The following TNIP1 variants were observed in gnomAD, a reference collection of about 807,000 sequenced individuals.
TNIP1 encodes TNFAIP3 interacting protein 1.
In TNIP1, 22 loss-of-function variants were observed where a neutral mutation model predicts 86.6. That is an observed-to-expected ratio of 0.25 (90% CI 0.18 to 0.36). The LOEUF (loss-of-function observed/expected upper bound fraction) is 0.36, where lower values mean the gene tolerates loss of function less well. Ranked by LOEUF, TNIP1 falls within the 10% of genes least tolerant of loss-of-function variation. The pLI, the probability that TNIP1 is intolerant of heterozygous loss-of-function variation, is 1.00. For synonymous variants in TNIP1, 294 were observed against 313.0 expected (o/e 0.94, Z 0.64); for missense variants, 709 against 820.6 (o/e 0.86, Z 1.66).
chr5:151,036,846 C>T lies in TNIP1; in HGVS notation c.1339G>A (p.Gly447Arg). The T allele has an allele frequency of 6.2e-7, 1 of 1,613,862 alleles. No homozygotes were observed. Among genetic ancestry groups the T allele is most frequent in the Admixed American group, 1.7e-5 (1 of 59,996 alleles). Residue 447 changes from glycine to arginine, a missense_variant, in exon 13 of 18, where the codon GGG (glycine) becomes AGG (arginine). By Grantham distance (125) the Gly-to-Arg change is moderately radical. Transcript: ENST00000521591. ...PTAFGSPEGAGALLRKQELVT... is the reference protein window; with the variant it reads ...PTAFGSPEGARALLRKQELVT... ...AGCTCCTGTTTCCTTAGGAGGGCCC[C>T]TGCTCCTTCTGGGCTCCCAAATGCT...
chr5:151,042,935 G>A lies in TNIP1; in HGVS notation c.963C>T (p.Asp321=), dbSNP rs1423269467. The stretch of plus-strand genomic sequence containing the variant: ...GCTGCTTCATGGACCGGAAATGCTG[G>A]TCCCACTGCTTGTTCACTTCCAGCA... ...SELLEVNKQW[D]QHFRSMKQQY... The change falls in exon 10 of 18, where the codon GAC becomes GAT. Residue 321 remains aspartate (D), a synonymous_variant. Coordinates refer to ENST00000521591, the MANE Select transcript of TNIP1 (RefSeq NM_006058.5). The A allele has an allele frequency of 1.9e-6, 3 of 1,614,062 alleles. No individual in the cohort carries two copies. The African/African-American group carries it at 4.0e-5, about 22-fold the overall frequency.
intron 8 of TNIP1, 28 bp downstream of exon 8, chr5:151,049,796 G>A: frequency 6.2e-7 from 1 of 1,613,752 alleles, no homozygotes; most frequent in South Asian, 1.1e-5. Context: ...AACCAAGGAT[G>A]CTACAGAAGG....
In TNIP1 at chr5:151,053,777, G is replaced by A. The variant is rs78065560; in HGVS notation, c.628-1518C>T. 8.2e-3 allele frequency among the ~76,000 whole-genome samples: 1,248 copies of A among 152,310 alleles called. 6 individuals carry two copies. The highest frequency in any genetic ancestry group is 0.013 in the Non-Finnish European group (855 of 68,028). On this transcript the variant is annotated intron_variant, in intron 6 of 17. Coordinates refer to ENST00000521591, the MANE Select transcript of TNIP1 (RefSeq NM_006058.5). ...CTAAGTAACTCATCTCTATGTTAAA[G>A]GTAGGGAAACCAGGTAAAATGATAC...
chr5:151,033,642 G>A lies in TNIP1; in HGVS notation c.1745C>T (p.Pro582Leu), dbSNP rs537648496. ...YPPPPMAMEH[P>L]PPLPNSRLFH... ...GAGGCGCGAGTTGGGGAGTGGGGGC[G>A]GGTGCTCCATGGCCATGGGGGGAGG... The change falls in exon 16 of 18, where the codon CCG (proline) becomes CTG (leucine). Residue 582 changes from proline (P) to leucine (L), a missense_variant. Coordinates refer to ENST00000521591, the MANE Select transcript of TNIP1 (RefSeq NM_006058.5). The A allele has an allele frequency of 1.4e-5, 19 of 1,360,012 alleles. No homozygotes were observed. In the South Asian group the frequency reaches 1.5e-4, roughly 11 times the overall value. 84.2% of individuals were successfully genotyped at this position (1,360,012 alleles called of 1,614,324 possible).
intron 7 of TNIP1, among the ~76,000 whole-genome samples, chr5:151,051,422 A>C (rs1246458721): frequency 6.6e-6 from 1 of 152,194 alleles, no homozygotes; most frequent in African/African-American, 2.4e-5. Context: ...CAGTGCAGGC[A>C]GGAATTGTGG....
At chr5:151,077,737 C>G (rs1367981150) in intron 1 of TNIP1, among the ~76,000 whole-genome samples, 2 of 152,226 alleles carry the variant, frequency 1.3e-5, no homozygotes, top group Non-Finnish European at 2.9e-5. Flanking sequence ...GTTTAACAAC[C>G]ACCCTCTACC....
rs971927165 is a variant in TNIP1 at position 151,030,822 on chromosome 5, T to C, written c.1877-75A>G. On this transcript the variant is annotated intron_variant, in intron 17 of 17. Coordinates refer to ENST00000521591, the MANE Select transcript of TNIP1 (RefSeq NM_006058.5). ...TTTCAAAGTCTCTTATGGAATGCAGTGCAGGAACAGTGAAAATAACAGCTA... is the reference window on the plus strand; with the variant it reads ...TTTCAAAGTCTCTTATGGAATGCAGCGCAGGAACAGTGAAAATAACAGCTA... 3.2e-6 allele frequency: 4 copies of C among 1,259,314 alleles called. No homozygotes were observed. In the African/African-American group the frequency reaches 4.5e-5, roughly 14 times the overall value. The allele number at this position is 1,259,314 out of a possible 1,614,324, so 78.0% of individuals were successfully genotyped here.
At chr5:151,035,197 GC>G (rs1417534177) in intron 14 of TNIP1, 130 bp from the exon 15 acceptor site, 63 of 1,095,782 alleles carry the variant, frequency 5.7e-5, no homozygotes, top group Non-Finnish European at 8.2e-5. Flanking sequence ...GCGTGGGCCA[GC>G]CCCGGGAAAG....
intron 11 of TNIP1, among the ~76,000 whole-genome samples, chr5:151,040,190 G>A (rs529139422): frequency 4.6e-5 from 7 of 152,350 alleles, no homozygotes; most frequent in South Asian, 2.1e-4. Flanking sequence ...ACATATATGC[G>A]AGAAAGGTCT....
chr5:151,071,644 G>T (rs1309715755), intron 1 of TNIP1, among the ~76,000 whole-genome samples: 1 of 151,996 alleles, frequency 6.6e-6, no homozygotes, highest in Non-Finnish European at 1.5e-5. Flanking sequence ...CCTCCCCGAG[G>T]GCAGTCAGAG....
At chr5:151,084,689 G>A (rs1183117445), upstream of TNIP1, among the ~76,000 whole-genome samples, 1 of 152,180 alleles carries the variant, frequency 6.6e-6, no homozygotes, top group Non-Finnish European at 1.5e-5. Context: ...AGGAGAATGA[G>A]TGAATCAGGG....
In TNIP1 at chr5:151,045,942, C is replaced by T. The variant is rs368501502; in HGVS notation, c.855G>A (p.Val285=). 5 of 1,613,988 alleles carry T rather than the reference C, an allele frequency of 3.1e-6. No individual in the cohort carries two copies. The African/African-American group carries it at 6.7e-5, about 22-fold the overall frequency. Residue 285 remains valine (V), a synonymous_variant, in exon 9 of 18, where the codon GTG becomes GTA. Coordinates refer to ENST00000521591, the MANE Select transcript of TNIP1 (RefSeq NM_006058.5). ...KAVAGQQQAS[V]TAGKVPEVVA... is the part of the protein sequence containing the mutation. ...CCACCTCTGGGACCTTACCTGCCGT[C>T]ACACTAGCCTGGGGAGAAGCACAGA...
intron 8 of TNIP1, among the ~76,000 whole-genome samples, chr5:151,049,021 G>A (rs1037391248): frequency 1.3e-5 from 2 of 152,144 alleles, no homozygotes; most frequent in African/African-American, 4.8e-5. Context: ...GCCCAAATAA[G>A]AAAATAGATT....
intron 13 of TNIP1, among the ~76,000 whole-genome samples, chr5:151,036,437 G>A (rs1024177842): frequency 2.6e-5 from 4 of 152,104 alleles, no homozygotes; most frequent in African/African-American, 7.2e-5. Flanking sequence ...TGTTTATTGC[G>A]TACAGTTACT....
Position 151,032,343 on chromosome 5 carries a change from T to A in TNIP1, c.1820A>T (p.Asn607Ile). 6.2e-7 allele frequency: 1 copy of A among 1,614,098 alleles called. No homozygotes were observed. Among genetic ancestry groups the A allele is most frequent in the Non-Finnish European group, 8.5e-7 (1 of 1,180,002 alleles). Residue 607 changes from asparagine (N) to isoleucine (I), a missense_variant, in exon 17 of 18, where the codon AAT becomes ATT. Coordinates refer to ENST00000521591, the MANE Select transcript of TNIP1 (RefSeq NM_006058.5). ...TWRLPCGGVR[N>I]PNQSSQVMDP... The stretch of plus-strand genomic sequence containing the variant: ...CATCACTTGGGAGCTCTGATTTGGA[T>A]TTCGAACCCCTCCACAGGGTAGACG...
intron 9 of TNIP1, 33 bp from the exon 10 acceptor site, chr5:151,042,994 A>G (rs867099397): frequency 2.5e-6 from 4 of 1,611,934 alleles, no homozygotes; most frequent in Middle Eastern, 3.3e-4. Flanking sequence ...GCAGGAGATG[A>G]GCAGAGAAGG....
chr5:151,081,169 TGCCTGCGGTTCCGGGG>T (rs1179095134), upstream of TNIP1: 1 of 152,058 alleles, frequency 6.6e-6, no homozygotes, highest in Non-Finnish European at 1.5e-5. Context: ...AAACACCGGC[TGCCTGCGGTTCCGGGG>T]GCCCGCGGTG....
At chr5:151,032,691 A>G in intron 16 of TNIP1, 1 of 344,290 alleles carries the variant, frequency 2.9e-6, no homozygotes, top group Non-Finnish European at 5.3e-6. Flanking sequence ...GAAGGGTCAT[A>G]TGGGAGAAGC....
chr5:151,042,614 C>A lies in TNIP1; in HGVS notation c.1060G>T (p.Ala354Ser). The change falls in exon 11 of 18, where the codon GCC becomes TCC. Residue 354 changes from alanine (A) to serine (S), a missense_variant. Physicochemically the swap from Ala to Ser is moderately conservative, Grantham distance 99 (BLOSUM62 1). Coordinates refer to ENST00000521591, the MANE Select transcript of TNIP1 (RefSeq NM_006058.5). ...DLQKQVTDLE[A>S]EREQKQRDFD... ...TCACGCTGCTTCTGCTCCCGCTCGG[C>A]CTCCAGGTCAGTCACCTGCTTCTGC... 6.2e-7 allele frequency: 1 copy of A among 1,614,018 alleles called. No homozygotes were observed. The highest frequency in any genetic ancestry group is 8.5e-7 in the Non-Finnish European group (1 of 1,180,050).
Sources: gnomAD v4.1 joint callset for allele counts (sites outside exome capture counted in the v4.1 genomes callset) on GRCh38, gnomAD v4.1.1 for gene constraint, MANE v1.5 for transcripts, NCBI Gene and HGNC (gene_info 2026-07-23, HGNC 2026-07-21) for gene names.